The following ZNF75D variants were observed in gnomAD, a reference collection of about 807,000 sequenced individuals.
ZNF75D encodes the protein zinc finger protein 75D.
Under a neutral mutation model 33.3 loss-of-function variants are expected in ZNF75D, and 33 were observed. That is an observed-to-expected ratio of 0.99 (90% CI 0.75 to 1.32). The LOEUF (loss-of-function observed/expected upper bound fraction) is 1.32. Among genes scored for constraint, ZNF75D ranks in the 40% most tolerant of loss-of-function variants. The pLI is 0.00. For missense variants in ZNF75D, 338 were observed against 367.5 expected, an observed-to-expected ratio of 0.92 and a Z score of 0.66; for synonymous variants, 113 against 130.6, an observed-to-expected ratio of 0.87 and a Z score of 0.92.
intron 6 of ZNF75D, among the ~76,000 whole-genome samples, chrX:135,288,221 T>C (rs1194355020): frequency 8.9e-6 from 1 of 112,081 alleles, no homozygotes; most frequent in African/African-American, 3.2e-5. Flanking sequence ...TAAAAAGAAG[T>C]GCAAATAAAG....
At chrX:135,271,904 C>G (rs1370597863) in intron 1 of ZNF75D, among the ~76,000 whole-genome samples, 1 of 111,390 alleles carries the variant, frequency 9.0e-6, no homozygotes, top group African/African-American at 3.3e-5. Flanking sequence ...CCTTCTTGTT[C>G]CTATGGAAAG....
intron 5 of ZNF75D, 111 bp downstream of exon 5, chrX:135,291,355 ACTGGGG>A: frequency 1.1e-6 from 1 of 921,686 alleles, no homozygotes; most frequent in African/African-American, 2.0e-5. Context: ...CTAGAGAATA[ACTGGGG>A]CTAAAATGCC....
intron 1 of ZNF75D, among the ~76,000 whole-genome samples, chrX:135,326,942 G>T (rs782308102): frequency 1.8e-5 from 2 of 112,781 alleles, no homozygotes; most frequent in South Asian, 7.4e-4. Flanking sequence ...CTTCATTCTT[G>T]AAGTCAGTGA....
chrX:135,299,335 T>A (rs1255597028), intron 1 of ZNF75D, among the ~76,000 whole-genome samples: 1 of 112,124 alleles, frequency 8.9e-6, no homozygotes, highest in Non-Finnish European at 1.9e-5. Context: ...TCTTAGTGAG[T>A]GTATCCTGAC....
intron 1 of ZNF75D, among the ~76,000 whole-genome samples, chrX:135,338,856 A>C (rs2084748220): frequency 9.6e-6 from 1 of 104,599 alleles, no homozygotes; most frequent in Non-Finnish European, 2.0e-5. Flanking sequence ...GCCCTTCCCT[A>C]CTCTCCCTCC....
At chrX:135,258,230 A>G (rs182692175) in intron 1 of ZNF75D, among the ~76,000 whole-genome samples, 22 of 105,041 alleles carry the variant, frequency 2.1e-4, no homozygotes, top group African/African-American at 6.6e-4. Context: ...AGTCTTTGCT[A>G]TTGTGAATAG....
chrX:135,322,011 G>A (rs782219055), intron 1 of ZNF75D, among the ~76,000 whole-genome samples: 4 of 111,802 alleles, frequency 3.6e-5, no homozygotes, highest in Admixed American at 9.5e-5. Context: ...CTTTCTACTC[G>A]GGAAGTCCAC....
intron 1 of ZNF75D, among the ~76,000 whole-genome samples, chrX:135,280,071 T>C (rs2083914536): frequency 9.0e-6 from 1 of 111,578 alleles, no homozygotes; most frequent in Non-Finnish European, 1.9e-5. Context: ...CTGTCTAATA[T>C]TGACAGTGGG....
chrX:135,274,237 TAA>T (rs2083892178), intron 1 of ZNF75D, among the ~76,000 whole-genome samples: 1 of 112,285 alleles, frequency 8.9e-6, no homozygotes, highest in Non-Finnish European at 1.9e-5. Context: ...AGAAATTAAG[TAA>T]CTAAGTCTAC....
chrX:135,258,055 A>C (rs782013216), intron 1 of ZNF75D, among the ~76,000 whole-genome samples: 60 of 108,779 alleles, frequency 5.5e-4, no homozygotes, highest in Non-Finnish European at 8.1e-4. Flanking sequence ...GAGTGAGAAC[A>C]TGCAGTGTTT....
intron 1 of ZNF75D, among the ~76,000 whole-genome samples, chrX:135,300,490 G>A (rs2084199867): frequency 9.0e-6 from 1 of 111,641 alleles, no homozygotes; most frequent in African/African-American, 3.3e-5. Context: ...GCTCATGCCT[G>A]TAATCCTAGC....
At chrX:135,282,366 G>A (rs377591540), downstream of ZNF75D, among the ~76,000 whole-genome samples, 16 of 111,740 alleles carry the variant, frequency 1.4e-4, no homozygotes, top group African/African-American at 3.9e-4. Context: ...GTACCAGGTC[G>A]ACTTCAGACT....
intron 1 of ZNF75D, among the ~76,000 whole-genome samples, chrX:135,323,123 C>T (rs782758370): frequency 8.9e-6 from 1 of 112,063 alleles, no homozygotes; most frequent in South Asian, 3.7e-4. Flanking sequence ...TGTTTCTTCA[C>T]CCTTGTATTC....
chrX:135,303,355 G>T (rs782628371), intron 1 of ZNF75D, among the ~76,000 whole-genome samples: 2 of 111,682 alleles, frequency 1.8e-5, no homozygotes, highest in South Asian at 7.7e-4. Context: ...CTATCACATG[G>T]GGAGAAACCT....
At chrX:135,265,452 C>T (rs1484245854) in intron 1 of ZNF75D, among the ~76,000 whole-genome samples, 4 of 111,099 alleles carry the variant, frequency 3.6e-5, no homozygotes, top group African/African-American at 6.6e-5. Context: ...GGATCCTATA[C>T]ACAGCAAGAG....
At chrX:135,340,347 T>C (rs1556444317) in intron 1 of ZNF75D, among the ~76,000 whole-genome samples, 1 of 112,012 alleles carries the variant, frequency 8.9e-6, no homozygotes, top group Non-Finnish European at 1.9e-5. Context: ...AATCTCCCCA[T>C]TTTGGATATA....
chrX:135,277,383 A>G (rs1356196986), intron 1 of ZNF75D, among the ~76,000 whole-genome samples: 6 of 112,248 alleles, frequency 5.3e-5, no homozygotes, highest in Non-Finnish European at 1.1e-4. Flanking sequence ...GATTCTGTAT[A>G]TTAGCCCCTT....
intron 6 of ZNF75D, among the ~76,000 whole-genome samples, chrX:135,290,659 G>T (rs1232519354): frequency 8.9e-6 from 1 of 112,387 alleles, no homozygotes; most frequent in Non-Finnish European, 1.9e-5. Flanking sequence ...ACTTTTGTTT[G>T]CATTGTTATT....
At chrX:135,340,803 C>T (rs2084774699) in intron 1 of ZNF75D, among the ~76,000 whole-genome samples, 1 of 112,088 alleles carries the variant, frequency 8.9e-6, no homozygotes, top group South Asian at 3.7e-4. Flanking sequence ...AGAGGAGCCC[C>T]TGCAACCCCA....
Sources: allele counts gnomAD v4.1 joint callset (sites outside exome capture counted in the v4.1 genomes callset), GRCh38; gene constraint gnomAD v4.1.1; transcripts MANE v1.5; gene names NCBI Gene and HGNC (gene_info 2026-07-23, HGNC 2026-07-21).